The following STAC variants were observed in gnomAD, a reference collection of about 807,000 sequenced individuals.
The protein encoded by STAC is SH3 and cysteine-rich domain-containing protein.
STAC carries 43 observed loss-of-function variants against 48.8 expected under a neutral mutation model. The observed-to-expected ratio is 0.88, with a 90% CI of 0.69 to 1.14. The LOEUF (loss-of-function observed/expected upper bound fraction) is 1.14, where lower values mean the gene tolerates loss of function less well. STAC is among the 50% of genes most tolerant of loss of function. The pLI is 0.00. For missense variants in STAC, 497 were observed against 504.0 expected (o/e 0.99, Z 0.13); for synonymous variants, 193 against 179.5 (o/e 1.07, Z -0.60).
intron 1 of STAC, among the ~76,000 whole-genome samples, chr3:36,421,772 G>T (rs1455004986): frequency 6.6e-6 from 1 of 152,042 alleles, no homozygotes; most frequent in Non-Finnish European, 1.5e-5. Flanking sequence ...CACATAACCA[G>T]ATTACCTTTC....
chr3:36,482,215 T>G (rs1697667647), intron 2 of STAC, among the ~76,000 whole-genome samples: 1 of 152,186 alleles, frequency 6.6e-6, no homozygotes, highest in Non-Finnish European at 1.5e-5. Context: ...CCAGCCACTT[T>G]CTGAAATAAT....
chr3:36,537,988 C>A (rs1159757931), intron 10 of STAC, among the ~76,000 whole-genome samples: 1 of 151,104 alleles, frequency 6.6e-6, no homozygotes, highest in Non-Finnish European at 1.5e-5. Context: ...ATTACAAAAC[C>A]AAAATGCATT....
intron 2 of STAC, among the ~76,000 whole-genome samples, chr3:36,470,460 G>A (rs986147034): frequency 1.3e-5 from 2 of 152,256 alleles, no homozygotes; most frequent in Non-Finnish European, 2.9e-5. Context: ...ACCGGCTCCA[G>A]TGGAGGTAGC....
At chr3:36,412,780 A>C (rs1700225873) in intron 1 of STAC, among the ~76,000 whole-genome samples, 1 of 152,164 alleles carries the variant, frequency 6.6e-6, no homozygotes, top group Non-Finnish European at 1.5e-5. Context: ...TTTACCTAAA[A>C]TATTACGTAT....
intron 5 of STAC, among the ~76,000 whole-genome samples, chr3:36,488,062 A>G (rs1697863134): frequency 6.6e-6 from 1 of 152,232 alleles, no homozygotes; most frequent in Non-Finnish European, 1.5e-5. Context: ...TTGACACTCA[A>G]TGAATGGAAA....
chr3:36,388,116 A>G (rs959187822), intron 1 of STAC, among the ~76,000 whole-genome samples: 1 of 152,132 alleles, frequency 6.6e-6, no homozygotes. Flanking sequence ...AGAAATATCT[A>G]GTCAAGGCCT....
intron 2 of STAC, among the ~76,000 whole-genome samples, chr3:36,453,368 G>T (rs954042233): frequency 2.0e-5 from 3 of 152,226 alleles, no homozygotes; most frequent in Non-Finnish European, 4.4e-5. Context: ...CGGGAACCGG[G>T]GCTGCGCGCG....
chr3:36,493,277 G>A lies in STAC; in HGVS notation c.766+48G>A, dbSNP rs752062527. On this transcript the variant is annotated intron_variant, in intron 6 of 10. Coordinates refer to ENST00000273183, the MANE Select transcript of STAC (RefSeq NM_003149.3). ...CACAAATGTGATCACATGAGTCAGGGTCAGTGGGCAGGCCAAGTTGATTTC... is the reference window on the plus strand; with the variant it reads ...CACAAATGTGATCACATGAGTCAGGATCAGTGGGCAGGCCAAGTTGATTTC... 34 of 1,585,878 alleles carry A rather than the reference G, an allele frequency of 2.1e-5. No individual in the cohort carries two copies. The Admixed American group carries it at 5.5e-4, about 26-fold the overall frequency.
intron 4 of STAC, chr3:36,485,902 A>C: frequency 2.6e-6 from 1 of 377,464 alleles, no homozygotes; most frequent in Non-Finnish European, 4.8e-6. Context: ...AATCAGGAAG[A>C]ATTCGGGAGC....
At chr3:36,475,682 A>G (rs1463646934) in intron 2 of STAC, among the ~76,000 whole-genome samples, 1 of 152,250 alleles carries the variant, frequency 6.6e-6, no homozygotes, top group Non-Finnish European at 1.5e-5. Flanking sequence ...GCAGAGGCCA[A>G]CACAAGCTAT....
At chr3:36,528,047 G>C (rs1698978176) in intron 8 of STAC, among the ~76,000 whole-genome samples, 1 of 152,172 alleles carries the variant, frequency 6.6e-6, no homozygotes, top group Admixed American at 6.5e-5. Context: ...ATGTATAAAT[G>C]TAAGTGTGTG....
intron 1 of STAC, among the ~76,000 whole-genome samples, chr3:36,432,585 T>G (rs1011012991): frequency 1.3e-5 from 2 of 151,856 alleles, no homozygotes; most frequent in Non-Finnish European, 2.9e-5. Flanking sequence ...GCCTATAATC[T>G]CAGCTACTCG....
intron 10 of STAC, among the ~76,000 whole-genome samples, chr3:36,531,578 A>G (rs1699066248): frequency 6.6e-6 from 1 of 152,160 alleles, no homozygotes; most frequent in Admixed American, 6.5e-5. Context: ...CTAGAGACCT[A>G]AGAGGTCTCA....
Position 36,452,535 on chromosome 3 carries a change from C to T in STAC, c.388+8895C>T, listed in dbSNP as rs114961705. Among the ~76,000 whole-genome samples, 1,436 of 152,052 alleles carry T rather than the reference C, an allele frequency of 9.4e-3. 13 individuals are homozygous for T. The highest frequency in any genetic ancestry group is 0.015 in the Non-Finnish European group (1,035 of 68,004). On this transcript the variant is annotated intron_variant, in intron 2 of 10. Coordinates refer to ENST00000273183, the MANE Select transcript of STAC (RefSeq NM_003149.3). ...AGCCCGGGACCTATTTAATAGTTGGCCAATATGAATTTGTTAAGTGAGTGA... is the reference window on the plus strand; with the variant it reads ...AGCCCGGGACCTATTTAATAGTTGGTCAATATGAATTTGTTAAGTGAGTGA...
intron 2 of STAC, among the ~76,000 whole-genome samples, chr3:36,447,649 C>CCACACACA (rs3061960): frequency 0.046 from 6,673 of 146,352 alleles, 224 homozygotes; most frequent in Non-Finnish European, 0.072. Flanking sequence ...TGTATACACA[C>CCACACACA]CACACACACA....
chr3:36,381,060 C>A (rs1699500980), intron 1 of STAC, among the ~76,000 whole-genome samples: 1 of 152,030 alleles, frequency 6.6e-6, no homozygotes, highest in Non-Finnish European at 1.5e-5. Context: ...GTGTCCAAAG[C>A]ACGTGTAGGT....
intron 2 of STAC, among the ~76,000 whole-genome samples, chr3:36,467,759 A>C (rs1422530856): frequency 6.6e-6 from 1 of 151,938 alleles, no homozygotes; most frequent in Non-Finnish European, 1.5e-5. Context: ...ATGCTCTATC[A>C]ATTTTATTTA....
At chr3:36,448,181 T>C (rs1403829190) in intron 2 of STAC, among the ~76,000 whole-genome samples, 2 of 79,770 alleles carry the variant, frequency 2.5e-5, no homozygotes, top group Non-Finnish European at 6.7e-5. Context: ...TTATTTTATT[T>C]TATTTTACTT....
intron 1 of STAC, among the ~76,000 whole-genome samples, chr3:36,416,002 T>G (rs527360758): frequency 4.6e-5 from 7 of 152,238 alleles, no homozygotes; most frequent in Non-Finnish European, 8.8e-5. Flanking sequence ...TAGTATGTCT[T>G]AAAATCTAGT....
Sources: gnomAD v4.1 joint callset for allele counts (sites outside exome capture counted in the v4.1 genomes callset) on GRCh38, gnomAD v4.1.1 for gene constraint, MANE v1.5 for transcripts, NCBI Gene and HGNC (gene_info 2026-07-23, HGNC 2026-07-21) for gene names.